Variants in TMEM117 observed in about 807,000 individuals in gnomAD.
The protein encoded by TMEM117 is transmembrane protein 117.
In TMEM117, 27 loss-of-function variants were observed where a neutral mutation model predicts 52.4. The ratio of observed to expected loss-of-function variants is 0.51; its 90% CI spans 0.38 to 0.71. TMEM117 has a LOEUF of 0.71. TMEM117 is among the 30% of genes least tolerant of loss of function. The pLI is 0.00. For missense variants in TMEM117, 556 were observed against 630.5 expected (o/e 0.88, Z 1.26); for synonymous variants, 215 against 206.3 (o/e 1.04, Z -0.36).
chr12:44,033,916 C>T (rs911498405), intron 3 of TMEM117, among the ~76,000 whole-genome samples: 4 of 152,160 alleles, frequency 2.6e-5, no homozygotes, highest in African/African-American at 9.7e-5. Context: ...GAATCAAAGA[C>T]CATTAATGAA....
intron 2 of TMEM117, among the ~76,000 whole-genome samples, chr12:43,928,545 A>G (rs945467547): frequency 6.6e-6 from 1 of 152,014 alleles, no homozygotes; most frequent in Non-Finnish European, 1.5e-5. Flanking sequence ...TAACTATCAA[A>G]TATTTGCATT....
At chr12:44,375,261 CCTGT>C (rs1490396649) in intron 6 of TMEM117, among the ~76,000 whole-genome samples, 4 of 152,154 alleles carry the variant, frequency 2.6e-5, no homozygotes, top group African/African-American at 9.7e-5. Context: ...TCCCAAATTA[CCTGT>C]CTATTTGCTG....
chr12:44,353,995 C>A (rs768706701), intron 6 of TMEM117, among the ~76,000 whole-genome samples: 1 of 152,144 alleles, frequency 6.6e-6, no homozygotes, highest in Non-Finnish European at 1.5e-5. Flanking sequence ...TGTAGTTCTC[C>A]TTGAAGAGGT....
At chr12:43,866,256 C>G (rs968156535) in intron 2 of TMEM117, among the ~76,000 whole-genome samples, 2 of 151,646 alleles carry the variant, frequency 1.3e-5, no homozygotes, top group Non-Finnish European at 2.9e-5. Context: ...CTTTAAAGTA[C>G]TGTAAGAAAT....
At chr12:44,386,976 A>G (rs1302476042) in intron 7 of TMEM117, among the ~76,000 whole-genome samples, 1 of 152,046 alleles carries the variant, frequency 6.6e-6, no homozygotes, top group Non-Finnish European at 1.5e-5. Flanking sequence ...TGTTACTTCA[A>G]ATACAAAAGA....
chr12:44,249,417 A>T (rs1320186277), intron 5 of TMEM117, among the ~76,000 whole-genome samples: 1 of 152,196 alleles, frequency 6.6e-6, no homozygotes, highest in Non-Finnish European at 1.5e-5. Flanking sequence ...TATACTCTCC[A>T]AAGTAATTTA....
intron 6 of TMEM117, among the ~76,000 whole-genome samples, chr12:44,357,743 C>T (rs7959462): frequency 0.011 from 1,668 of 152,166 alleles, 35 homozygotes; most frequent in African/African-American, 0.038. Context: ...AATCCAGCCC[C>T]TGTGGAAAGT....
rs79110324 is a variant in TMEM117, at chr12:43,902,655, A to G, written c.278-41555A>G. Among the ~76,000 whole-genome samples the G allele has an allele frequency of 8.1e-3, 1,233 of 152,280 alleles. 28 individuals carry two copies. The highest frequency in any genetic ancestry group is 0.043 in the East Asian group (220 of 5,172). ...ATGGTAGTATCACCCAAAGGTGACT[A>G]TTAATGTTTTAGAAGTAAGAGGGAT... On this transcript the variant is annotated intron_variant, in intron 2 of 7. Coordinates refer to ENST00000266534, the MANE Select transcript of TMEM117 (RefSeq NM_032256.3).
At chr12:44,341,990 A>G (rs188034270) in intron 6 of TMEM117, among the ~76,000 whole-genome samples, 1 of 152,258 alleles carries the variant, frequency 6.6e-6, no homozygotes, top group Non-Finnish European at 1.5e-5. Context: ...CAGAGATCAA[A>G]CCCTGGAATT....
the TMEM117 span, among the ~76,000 whole-genome samples, chr12:43,812,630 A>G: frequency 6.6e-6 from 1 of 152,158 alleles, no homozygotes; most frequent in Admixed American, 6.5e-5. Context: ...TCCCGGGTCC[A>G]CACTAGCCCT....
chr12:44,132,265 G>C (rs1948426469), intron 3 of TMEM117, among the ~76,000 whole-genome samples: 1 of 149,342 alleles, frequency 6.7e-6, no homozygotes, highest in Non-Finnish European at 1.5e-5. Flanking sequence ...ACTCATATGT[G>C]TATGTACGCA....
intron 4 of TMEM117, among the ~76,000 whole-genome samples, chr12:44,177,393 T>G (rs1949130594): frequency 6.6e-6 from 1 of 152,192 alleles, no homozygotes. Context: ...ACCCAAGTCT[T>G]GTAAACAATC....
intron 3 of TMEM117, among the ~76,000 whole-genome samples, chr12:44,130,357 T>G (rs966635933): frequency 6.6e-6 from 1 of 152,204 alleles, no homozygotes; most frequent in Non-Finnish European, 1.5e-5. Context: ...GCTGTCCTAG[T>G]GATAAACCTC....
Position 44,325,732 on chromosome 12 carries a change from A to G in TMEM117, c.768+25993A>G, listed in dbSNP as rs1951186052. Among the ~76,000 whole-genome samples, 3 of 152,128 alleles carry G rather than the reference A, an allele frequency of 2.0e-5. No homozygotes were observed. In the South Asian group the frequency reaches 6.2e-4, roughly 32 times the overall value. ...GTTGTTTTCAAGATTGAATCTACCC[A>G]AGAATCACCTGATATGTGTGTGTTT... On this transcript the variant is annotated intron_variant, in intron 6 of 7. Transcript: ENST00000266534.
intron 3 of TMEM117, among the ~76,000 whole-genome samples, chr12:44,083,389 GTTTTTTTTT>G (rs1160025038): frequency 1.2e-5 from 1 of 80,398 alleles, no homozygotes; most frequent in Non-Finnish European, 2.4e-5. Flanking sequence ...GGTATTGTTA[GTTTTTTTTT>G]TTTTTTTTTT....
Position 44,130,064 on chromosome 12 carries a change from A to G in TMEM117, c.411-13461A>G, listed in dbSNP as rs574310957. Among the ~76,000 whole-genome samples the G allele has an allele frequency of 2.8e-4, 43 of 152,290 alleles. No homozygotes were observed. In the South Asian group the frequency reaches 3.9e-3, roughly 14 times the overall value. Reference sequence around the variant, plus strand: ...ATAAAAATAATTTTCTCCCAAAGCTATGTTGATCTTTTACTATCCCAGTGT... The same window carrying G: ...ATAAAAATAATTTTCTCCCAAAGCTGTGTTGATCTTTTACTATCCCAGTGT... On this transcript the variant is annotated intron_variant, in intron 3 of 7. Coordinates refer to ENST00000266534, the MANE Select transcript of TMEM117 (RefSeq NM_032256.3).
chr12:43,894,962 T>C (rs1296037405), intron 2 of TMEM117, among the ~76,000 whole-genome samples: 2 of 152,212 alleles, frequency 1.3e-5, no homozygotes, highest in South Asian at 2.1e-4. Flanking sequence ...GTTCAATGGG[T>C]TTATTAATTG....
chr12:44,013,549 G>A (rs188549599), intron 3 of TMEM117, among the ~76,000 whole-genome samples: 413 of 152,250 alleles, frequency 2.7e-3, no homozygotes, highest in African/African-American at 9.7e-3. Flanking sequence ...ATTTCAAATG[G>A]TTCCTCTTCC....
intron 3 of TMEM117, among the ~76,000 whole-genome samples, chr12:44,082,041 C>T (rs955624895): frequency 6.6e-6 from 1 of 151,452 alleles, no homozygotes; most frequent in Non-Finnish European, 1.5e-5. Context: ...AATTATCAGC[C>T]AAATAATTGT....
Sources: gnomAD v4.1 joint callset for allele counts (sites outside exome capture counted in the v4.1 genomes callset) on GRCh38, gnomAD v4.1.1 for gene constraint, MANE v1.5 for transcripts, NCBI Gene and HGNC (gene_info 2026-07-23, HGNC 2026-07-21) for gene names.